SPAG16: variants seen among roughly 807,000 people sequenced by gnomAD.
The protein encoded by SPAG16 is sperm-associated antigen 16 protein.
In SPAG16, 86 loss-of-function variants were observed where a neutral mutation model predicts 80.4. That is an observed-to-expected ratio of 1.07 (90% confidence interval 0.90 to 1.28). The LOEUF is 1.28. Among genes scored for constraint, SPAG16 ranks in the 50% most tolerant of loss-of-function variants. The probability of loss-of-function intolerance (pLI) is 0.00; values close to 1 mark genes in which losing one functional copy is unlikely to be tolerated. For missense variants in SPAG16, 870 were observed against 765.3 expected (o/e 1.14, Z -1.61); for synonymous variants, 294 against 265.9 (o/e 1.11, Z -1.03).
chr2:213,404,738 T>C (rs2068518975), intron 9 of SPAG16, among the ~76,000 whole-genome samples: 1 of 152,184 alleles, frequency 6.6e-6, no homozygotes, highest in Non-Finnish European at 1.5e-5. Flanking sequence ...TATTCTTAAT[T>C]GTCCAGTTCT....
intron 15 of SPAG16, among the ~76,000 whole-genome samples, chr2:214,209,847 T>C (rs1161242433): frequency 6.6e-6 from 1 of 152,166 alleles, no homozygotes; most frequent in Admixed American, 6.6e-5. Context: ...CAAGGCCCCA[T>C]ACTCAAGTAT....
At chr2:214,124,254 A>G (rs1474406610) in intron 14 of SPAG16, among the ~76,000 whole-genome samples, 1 of 150,270 alleles carries the variant, frequency 6.7e-6, no homozygotes, top group East Asian at 1.9e-4. Flanking sequence ...AACTAGTTCA[A>G]AATATTTTAT....
At position 214,018,031 on chromosome 2, in the gene SPAG16, A is replaced by G. The variant is rs183485944; in HGVS notation, c.1527+3954A>G. On this transcript the variant is annotated intron_variant, in intron 13 of 15. Transcript: ENST00000331683. ...TTCTAAAAATATTTTCAAACCAAGT[A>G]GAAAAAAATTTAAATTGATAGCTAT... Among the ~76,000 whole-genome samples the G allele has an allele frequency of 3.2e-3, 492 of 152,258 alleles. 6 individuals are homozygous for G. Among genetic ancestry groups the G allele is most frequent in the Non-Finnish European group, 3.8e-3 (260 of 67,996 alleles).
chr2:214,085,303 C>T (rs755325304), intron 13 of SPAG16, among the ~76,000 whole-genome samples: 14 of 149,698 alleles, frequency 9.4e-5, no homozygotes, highest in Non-Finnish European at 2.1e-4. Flanking sequence ...ACCCAGGAGA[C>T]GGAGGCTGCG....
At chr2:213,616,023 A>G (rs1384114475) in intron 10 of SPAG16, among the ~76,000 whole-genome samples, 2 of 152,216 alleles carry the variant, frequency 1.3e-5, no homozygotes, top group South Asian at 2.1e-4. Flanking sequence ...ACAAACCTGC[A>G]TGTTCTGCAC....
At chr2:214,373,766 C>T (rs1373639106) in intron 15 of SPAG16, among the ~76,000 whole-genome samples, 1 of 152,118 alleles carries the variant, frequency 6.6e-6, no homozygotes, top group Non-Finnish European at 1.5e-5. Context: ...CTTTTTTTAT[C>T]TGCTTCCAAT....
intron 10 of SPAG16, among the ~76,000 whole-genome samples, chr2:213,769,010 GAGAA>G (rs1039957599): frequency 6.0e-4 from 91 of 152,254 alleles, no homozygotes; most frequent in African/African-American, 2.1e-3. Context: ...GGTTGGTTAT[GAGAA>G]AGAATTAGTT....
intron 10 of SPAG16, among the ~76,000 whole-genome samples, chr2:213,855,523 C>G (rs1265673178): frequency 6.6e-6 from 1 of 152,140 alleles, no homozygotes; most frequent in Admixed American, 6.5e-5. Context: ...TTCATAGTTA[C>G]TACTTTTTTT....
intron 15 of SPAG16, among the ~76,000 whole-genome samples, chr2:214,358,290 C>G (rs893302420): frequency 2.0e-5 from 3 of 151,884 alleles, no homozygotes; most frequent in Admixed American, 2.0e-4. Context: ...CCCCAGATCA[C>G]TTGATCCATT....
At chr2:213,786,424 A>T (rs1161312991) in intron 10 of SPAG16, among the ~76,000 whole-genome samples, 3 of 152,244 alleles carry the variant, frequency 2.0e-5, no homozygotes, top group Admixed American at 2.0e-4. Context: ...TACATTATTG[A>T]GAATTAATGA....
At chr2:213,426,688 A>G (rs962119865) in intron 9 of SPAG16, among the ~76,000 whole-genome samples, 8 of 151,836 alleles carry the variant, frequency 5.3e-5, no homozygotes, top group African/African-American at 1.9e-4. Flanking sequence ...CTATACTACC[A>G]TCATCTCTTT....
chr2:214,016,128 A>G (rs6749347), intron 13 of SPAG16, among the ~76,000 whole-genome samples: 18,504 of 152,054 alleles, frequency 0.12, 1,571 homozygotes, highest in African/African-American at 0.25. Flanking sequence ...TAGGTTCAAG[A>G]GTGAATTTGA....
chr2:214,308,287 A>T lies in SPAG16; in HGVS notation c.1721-101853A>T, dbSNP rs184286331. Among the ~76,000 whole-genome samples, 566 of 152,222 alleles carry T rather than the reference A, an allele frequency of 3.7e-3. 3 individuals are homozygous for T. Among genetic ancestry groups the T allele is most frequent in the Non-Finnish European group, 6.0e-3 (407 of 68,006 alleles). The stretch of plus-strand genomic sequence containing the variant: ...ATTTTGAGCCTATTTGGGTCACTGC[A>T]TGTGAGACGGATCTATTGAAGACAG... On this transcript the variant is annotated intron_variant, in intron 15 of 15. Transcript: ENST00000331683.
At chr2:213,410,512 C>T (rs897039143) in intron 9 of SPAG16, among the ~76,000 whole-genome samples, 1 of 152,144 alleles carries the variant, frequency 6.6e-6, no homozygotes, top group African/African-American at 2.4e-5. Context: ...GTTGGTCCAA[C>T]GTTCTGTGGC....
At chr2:214,393,482 G>A (rs1430344666) in intron 15 of SPAG16, among the ~76,000 whole-genome samples, 1 of 151,738 alleles carries the variant, frequency 6.6e-6, no homozygotes, top group African/African-American at 2.4e-5. Context: ...ATGGAAATTA[G>A]TATTTTCAGG....
intron 13 of SPAG16, among the ~76,000 whole-genome samples, chr2:214,029,705 T>C (rs1417591257): frequency 6.6e-6 from 1 of 152,098 alleles, no homozygotes; most frequent in African/African-American, 2.4e-5. Context: ...CTTAACTCTA[T>C]GCCTTTCCCT....
chr2:214,175,450 C>A (rs1182169768), intron 15 of SPAG16, among the ~76,000 whole-genome samples: 2 of 150,812 alleles, frequency 1.3e-5, no homozygotes, highest in Non-Finnish European at 3.0e-5. Flanking sequence ...ATGGCTCTAG[C>A]CACTTTCTGT....
chr2:213,295,955 C>A, intron 1 of SPAG16, 109 bp from the exon 2 acceptor site: 1 of 856,482 alleles, frequency 1.2e-6, no homozygotes, highest in Non-Finnish European at 1.9e-6. Flanking sequence ...TATTTACCAA[C>A]TTCCTGGTGA....
chr2:213,431,864 C>T (rs1479625322), intron 9 of SPAG16, among the ~76,000 whole-genome samples: 1 of 151,854 alleles, frequency 6.6e-6, no homozygotes, highest in Non-Finnish European at 1.5e-5. Flanking sequence ...AAACAAGTCT[C>T]AACAAATTAA....
Sources: allele counts gnomAD v4.1 joint callset (sites outside exome capture counted in the v4.1 genomes callset), GRCh38; gene constraint gnomAD v4.1.1; transcripts MANE v1.5; gene names NCBI Gene and HGNC (gene_info 2026-07-23, HGNC 2026-07-21).